Variants in LRP1B observed in about 807,000 individuals in gnomAD.
LRP1B encodes the protein low-density lipoprotein receptor-related protein 1B.
Under a neutral mutation model 556.6 loss-of-function variants are expected in LRP1B, and 217 were observed. The ratio of observed to expected loss-of-function variants is 0.39; its 90% CI spans 0.35 to 0.44. The LOEUF is 0.44. Among genes scored for constraint, LRP1B ranks in the 20% least tolerant of loss-of-function variants. The pLI is 1.00. For missense variants in LRP1B, 5,053 were observed against 5,620.8 expected, an observed-to-expected ratio of 0.90 and a Z score of 3.23; for synonymous variants, 2,047 against 1,865.8, an observed-to-expected ratio of 1.10 and a Z score of -2.50.
At chr2:141,354,315 C>G (rs1220390911) in intron 3 of LRP1B, among the ~76,000 whole-genome samples, 1 of 152,004 alleles carries the variant, frequency 6.6e-6, no homozygotes, top group Non-Finnish European at 1.5e-5. Context: ...ATGTAGTTAT[C>G]TAGAAGAAGG....
chr2:140,841,545 T>G (rs553646049), intron 29 of LRP1B, among the ~76,000 whole-genome samples: 24 of 152,274 alleles, frequency 1.6e-4, no homozygotes, highest in African/African-American at 5.5e-4. Context: ...CAATTCAACT[T>G]TCCTAAAAGA....
chr2:141,590,962 C>T (rs140992684), intron 2 of LRP1B, among the ~76,000 whole-genome samples: 7 of 152,260 alleles, frequency 4.6e-5, no homozygotes, highest in African/African-American at 1.2e-4. Flanking sequence ...AAGTCTTTGA[C>T]AAGTTTTCCT....
At chr2:141,400,044 G>A (rs982022513) in intron 3 of LRP1B, among the ~76,000 whole-genome samples, 1 of 152,038 alleles carries the variant, frequency 6.6e-6, no homozygotes, top group Admixed American at 6.6e-5. Flanking sequence ...GGAGCGCAGT[G>A]GGGTGATCAC....
At chr2:140,532,970 T>TATATATATA (rs1690784143) in intron 47 of LRP1B, among the ~76,000 whole-genome samples, 1 of 48,286 alleles carries the variant, frequency 2.1e-5, no homozygotes, top group Non-Finnish European at 5.5e-5. Flanking sequence ...CTCGATCTGT[T>TATATATATA]TACATGGCTG....
intron 2 of LRP1B, among the ~76,000 whole-genome samples, chr2:141,558,213 A>T (rs1200895342): frequency 1.3e-5 from 2 of 152,048 alleles, no homozygotes; most frequent in East Asian, 3.9e-4. Context: ...GATGTGAACT[A>T]GTAGGTCACC....
At chr2:141,971,245 G>T (rs1294445740) in intron 1 of LRP1B, among the ~76,000 whole-genome samples, 1 of 151,362 alleles carries the variant, frequency 6.6e-6, no homozygotes, top group Non-Finnish European at 1.5e-5. Context: ...ATCTTAGAAA[G>T]AATTAGAAAG....
chr2:141,910,362 G>C (rs1699877587), intron 1 of LRP1B, among the ~76,000 whole-genome samples: 1 of 152,076 alleles, frequency 6.6e-6, no homozygotes, highest in Non-Finnish European at 1.5e-5. Flanking sequence ...GCTACACAGT[G>C]TTTATGTCAA....
chr2:141,739,111 A>G (rs1297650983), intron 2 of LRP1B, among the ~76,000 whole-genome samples: 1 of 152,146 alleles, frequency 6.6e-6, no homozygotes, highest in Non-Finnish European at 1.5e-5. Context: ...CTGATGCAAA[A>G]TGGAGAAAAT....
intron 2 of LRP1B, among the ~76,000 whole-genome samples, chr2:141,771,848 T>G (rs1025020250): frequency 2.0e-5 from 3 of 152,172 alleles, no homozygotes; most frequent in Admixed American, 2.0e-4. Flanking sequence ...GATGAAGTTT[T>G]GCTCTTGTTG....
intron 46 of LRP1B, among the ~76,000 whole-genome samples, chr2:140,535,682 T>G (rs1574052721): frequency 6.6e-6 from 1 of 152,140 alleles, no homozygotes; most frequent in East Asian, 1.9e-4. Flanking sequence ...ATCAGGACAA[T>G]TTTTTAAAAA....
chr2:141,946,993 AT>A lies in LRP1B; in HGVS notation c.83-136593del, dbSNP rs573051729. Among the ~76,000 whole-genome samples the A allele has an allele frequency of 5.4e-4, 82 of 152,132 alleles. No homozygotes were observed. In the East Asian group the frequency reaches 0.011, roughly 21 times the overall value. ...ATAGAGCTGAAATTTAAAGTGAAGA[AT>A]TTTTTTTGTCCCAAATTTGCAAAGC... On this transcript the variant is annotated intron_variant, in intron 1 of 90. Transcript: ENST00000389484.
chr2:140,814,334 GT>G (rs1180495434), intron 31 of LRP1B, among the ~76,000 whole-genome samples: 1 of 151,964 alleles, frequency 6.6e-6, no homozygotes, highest in Non-Finnish European at 1.5e-5. Context: ...CACTTAACAG[GT>G]ATCTCTATGG....
intron 1 of LRP1B, among the ~76,000 whole-genome samples, chr2:141,940,448 C>G (rs960269066): frequency 6.6e-6 from 1 of 152,110 alleles, no homozygotes; most frequent in Admixed American, 6.6e-5. Context: ...GATAACTATT[C>G]ATGTAATTCA....
At chr2:140,315,947 CATTT>C (rs1383332588) in intron 82 of LRP1B, among the ~76,000 whole-genome samples, 2 of 152,112 alleles carry the variant, frequency 1.3e-5, no homozygotes, top group Non-Finnish European at 2.9e-5. Context: ...CTGTGTGTAA[CATTT>C]ATCCTAAATG....
At chr2:141,851,839 A>G (rs1697868238) in intron 1 of LRP1B, among the ~76,000 whole-genome samples, 1 of 151,754 alleles carries the variant, frequency 6.6e-6, no homozygotes, top group African/African-American at 2.4e-5. Context: ...TTTCTTGCAA[A>G]TGGACCCTAA....
At chr2:141,010,610 G>A (rs924169165) in intron 14 of LRP1B, among the ~76,000 whole-genome samples, 14 of 151,896 alleles carry the variant, frequency 9.2e-5, no homozygotes, top group African/African-American at 2.4e-4. Context: ...CACCTCCCAA[G>A]TTTAAGTGAT....
chr2:140,381,436 G>A (rs1451727400), intron 67 of LRP1B, among the ~76,000 whole-genome samples: 1 of 152,032 alleles, frequency 6.6e-6, no homozygotes, highest in Non-Finnish European at 1.5e-5. Context: ...GAGTAGATGG[G>A]GAACTCTACA....
At chr2:141,780,660 C>T (rs1281891836) in intron 2 of LRP1B, among the ~76,000 whole-genome samples, 2 of 152,132 alleles carry the variant, frequency 1.3e-5, no homozygotes, top group Non-Finnish European at 1.5e-5. Context: ...GGTCCAGCCA[C>T]CTACTACATT....
At chr2:141,740,268 T>C (rs1470116180) in intron 2 of LRP1B, among the ~76,000 whole-genome samples, 2 of 152,126 alleles carry the variant, frequency 1.3e-5, no homozygotes, top group Admixed American at 6.6e-5. Context: ...GCTAGCAGCT[T>C]ACAATGGCAG....
Sources: gnomAD v4.1 joint callset for allele counts (sites outside exome capture counted in the v4.1 genomes callset) on GRCh38, gnomAD v4.1.1 for gene constraint, MANE v1.5 for transcripts, NCBI Gene and HGNC (gene_info 2026-07-23, HGNC 2026-07-21) for gene names.